LOC128706665: variants seen among roughly 807,000 people sequenced by gnomAD.
At chr20:10,415,536 G>A in the LOC128706665 span, among the ~76,000 whole-genome samples, 3 of 152,210 alleles carry the variant, frequency 2.0e-5, no homozygotes, top group Non-Finnish European at 2.9e-5. Flanking sequence ...TGTATGGCAT[G>A]AGGAGGGAAA....
the LOC128706665 span, among the ~76,000 whole-genome samples, chr20:10,418,411 A>G: frequency 6.6e-6 from 1 of 152,206 alleles, no homozygotes; most frequent in South Asian, 2.1e-4. Context: ...GTAATTTTCC[A>G]TAATGAAAAT....
the LOC128706665 span, among the ~76,000 whole-genome samples, chr20:10,428,813 C>A: frequency 6.6e-6 from 1 of 151,342 alleles, no homozygotes; most frequent in African/African-American, 2.4e-5. Context: ...CATTGCACTC[C>A]AGCCTAGGTG....
chr20:10,426,069 T>C, the LOC128706665 span, among the ~76,000 whole-genome samples: 1 of 152,378 alleles, frequency 6.6e-6, no homozygotes, highest in African/African-American at 2.4e-5. Flanking sequence ...CTCAAAAGTA[T>C]GGTCTTAAAT....
At chr20:10,413,971 CCAAG>C in the LOC128706665 span, 2 of 402,676 alleles carry the variant, frequency 5.0e-6, no homozygotes, top group Non-Finnish European at 8.7e-6. Context: ...GAAATACTTC[CCAAG>C]CAGTTTGTAG....
chr20:10,423,961 C>T, the LOC128706665 span, among the ~76,000 whole-genome samples: 2 of 151,696 alleles, frequency 1.3e-5, no homozygotes, highest in African/African-American at 2.4e-5. Flanking sequence ...CTCAAATTCT[C>T]CATATCTCAT....
the LOC128706665 span, among the ~76,000 whole-genome samples, chr20:10,418,156 CACAT>C: frequency 2.0e-5 from 3 of 152,230 alleles, no homozygotes; most frequent in African/African-American, 7.2e-5. Context: ...CTGTTAAAGA[CACAT>C]ACAAAAGGAC....
chr20:10,421,167 C>T, the LOC128706665 span, among the ~76,000 whole-genome samples: 1,739 of 152,164 alleles, frequency 0.011, 41 homozygotes, highest in African/African-American at 0.039. Flanking sequence ...TGGTGGCTCA[C>T]GCCTGTATTC....
the LOC128706665 span, among the ~76,000 whole-genome samples, chr20:10,417,245 T>TAAA: frequency 1.5e-5 from 2 of 132,418 alleles, no homozygotes; most frequent in Admixed American, 1.5e-4. Flanking sequence ...GACTCCATCT[T>TAAA]AAAAAAAAAA....
At chr20:10,426,321 C>T in the LOC128706665 span, among the ~76,000 whole-genome samples, 1 of 152,144 alleles carries the variant, frequency 6.6e-6, no homozygotes, top group Non-Finnish European at 1.5e-5. Flanking sequence ...TGTGTGATCA[C>T]GGATGAGGGG....
At chr20:10,433,233 T>TG in the LOC128706665 span, among the ~76,000 whole-genome samples, 1 of 152,214 alleles carries the variant, frequency 6.6e-6, no homozygotes, top group South Asian at 2.1e-4. Flanking sequence ...CCCAAACTCC[T>TG]GACTCAAGTG....
chr20:10,418,803 C>T, the LOC128706665 span, among the ~76,000 whole-genome samples: 3 of 152,058 alleles, frequency 2.0e-5, no homozygotes, highest in Non-Finnish European at 4.4e-5. Context: ...GTACAATATA[C>T]ATACATAATA....
the LOC128706665 span, among the ~76,000 whole-genome samples, chr20:10,422,445 C>A: frequency 6.6e-6 from 1 of 152,042 alleles, no homozygotes; most frequent in Admixed American, 6.5e-5. Context: ...AAGGCAAAAG[C>A]CTTTGGGAAT....
the LOC128706665 span, among the ~76,000 whole-genome samples, chr20:10,433,216 G>C: frequency 0.011 from 1,694 of 152,320 alleles, 28 homozygotes; most frequent in African/African-American, 0.039. Context: ...ACGTTGGCCT[G>C]GCTGGCCCCA....
At chr20:10,422,249 G>A in the LOC128706665 span, among the ~76,000 whole-genome samples, 2 of 151,934 alleles carry the variant, frequency 1.3e-5, no homozygotes, top group Non-Finnish European at 2.9e-5. Context: ...CTAGATAGAG[G>A]AAACACGACC....
chr20:10,415,254 A>T, the LOC128706665 span, among the ~76,000 whole-genome samples: 3 of 152,194 alleles, frequency 2.0e-5, no homozygotes, highest in African/African-American at 7.2e-5. Flanking sequence ...TGAGTATGGT[A>T]GTGTCCAGGA....
the LOC128706665 span, among the ~76,000 whole-genome samples, chr20:10,419,773 G>A: frequency 6.6e-6 from 1 of 152,192 alleles, no homozygotes; most frequent in South Asian, 2.1e-4. Context: ...CACATCCTGC[G>A]TGGATGAAGT....
At chr20:10,417,524 T>C in the LOC128706665 span, among the ~76,000 whole-genome samples, 12 of 152,202 alleles carry the variant, frequency 7.9e-5, no homozygotes, top group Admixed American at 7.9e-4. Context: ...GGCTGGAGGA[T>C]GGCCTGTGCC....
At chr20:10,417,738 C>T in the LOC128706665 span, among the ~76,000 whole-genome samples, 2 of 151,900 alleles carry the variant, frequency 1.3e-5, no homozygotes, top group African/African-American at 2.4e-5. Flanking sequence ...ACATGATTAC[C>T]TAGGATCTAT....
chr20:10,425,292 G>A, the LOC128706665 span, among the ~76,000 whole-genome samples: 3 of 152,028 alleles, frequency 2.0e-5, no homozygotes, highest in Admixed American at 6.6e-5. Flanking sequence ...TTATAATGGC[G>A]ATATCCTAAT....
Sources: allele counts gnomAD v4.1 joint callset (sites outside exome capture counted in the v4.1 genomes callset), GRCh38; gene constraint gnomAD v4.1.1; transcripts MANE v1.5.